Variants in MYT1L observed in about 807,000 individuals in gnomAD.
MYT1L encodes myelin transcription factor 1-like protein.
In MYT1L, 12 loss-of-function variants were observed where a neutral mutation model predicts 126.7. That is an observed-to-expected ratio of 0.09 (90% CI 0.06 to 0.15). MYT1L has a LOEUF of 0.15. Among genes scored for constraint, MYT1L ranks in the 10% least tolerant of loss-of-function variants. The pLI, the probability that MYT1L is intolerant of heterozygous loss-of-function variation, is 1.00. For missense variants in MYT1L, 979 were observed against 1,585.2 expected (o/e 0.62, Z 6.49); for synonymous variants, 541 against 604.2 (o/e 0.90, Z 1.53).
intron 4 of MYT1L, among the ~76,000 whole-genome samples, chr2:2,033,884 C>T (rs760991244): frequency 3.9e-5 from 6 of 152,182 alleles, no homozygotes; most frequent in Non-Finnish European, 7.3e-5. Flanking sequence ...CACATGCTTT[C>T]CCACATCCCA....
chr2:2,199,402 G>A (rs12467544), intron 2 of MYT1L, among the ~76,000 whole-genome samples: 26,371 of 152,188 alleles, frequency 0.17, 2,466 homozygotes, highest in African/African-American at 0.26. Context: ...TGCCATAAGG[G>A]ATGGTGTAGA....
Position 1,922,351 on chromosome 2 carries a change from A to T in MYT1L, c.1418T>A (p.Leu473His). The T allele has an allele frequency of 6.2e-7, 1 of 1,613,972 alleles. No homozygotes were observed. The highest frequency in any genetic ancestry group is 8.5e-7 in the Non-Finnish European group (1 of 1,179,886). The change falls in exon 10 of 25, where the codon CTT becomes CAT. Residue 473 changes from leucine to histidine, a missense_variant. By Grantham distance (99) the Leu-to-His change is moderately conservative. This residue lies in a region of MYT1L where 67 missense variants were observed against 80.3 expected (regional missense o/e 0.83). Coordinates refer to ENST00000647738, the MANE Select transcript of MYT1L (RefSeq NM_001303052.2). The surrounding 1 kb of genome is among the most constrained non-coding windows in gnomAD (Gnocchi z 7.4). Reference sequence around the variant, plus strand: ...TTTAGGCTTTCTGTCCTCCCCGGGAAGTTGTCTCGGAGACTGGTCCTCATA... The same window carrying T: ...TTTAGGCTTTCTGTCCTCCCCGGGATGTTGTCTCGGAGACTGGTCCTCATA... The part of the protein sequence containing the change: ...RSYEDQSPRQ[L>H]PGEDRKPKSS...
intron 14 of MYT1L, among the ~76,000 whole-genome samples, chr2:1,900,903 G>A (rs576999321): frequency 1.3e-5 from 2 of 152,266 alleles, no homozygotes; most frequent in East Asian, 1.9e-4. Context: ...GGCCTCTGCC[G>A]GGAATGCGAT....
At chr2:2,053,365 G>C (rs753994995) in intron 4 of MYT1L, among the ~76,000 whole-genome samples, 1 of 152,148 alleles carries the variant, frequency 6.6e-6, no homozygotes. Flanking sequence ...GAATACACTT[G>C]ATATCACTAA....
chr2:2,192,043 G>T (rs1266672930), intron 2 of MYT1L, among the ~76,000 whole-genome samples: 2 of 152,248 alleles, frequency 1.3e-5, no homozygotes, highest in African/African-American at 4.8e-5. Flanking sequence ...GCAGAAATCA[G>T]TCTCTTTCTA....
At chr2:2,181,064 CTGTG>C (rs374459255) in intron 2 of MYT1L, among the ~76,000 whole-genome samples, 32 of 150,464 alleles carry the variant, frequency 2.1e-4, no homozygotes, top group South Asian at 2.1e-3. Context: ...GTAACCGTAC[CTGTG>C]TGTGTGCTTG....
At chr2:2,005,928 G>A (rs561324872) in intron 4 of MYT1L, among the ~76,000 whole-genome samples, 5 of 145,256 alleles carry the variant, frequency 3.4e-5, no homozygotes, top group African/African-American at 7.8e-5. Flanking sequence ...TCCTGCATGC[G>A]TTCTTTCCTG....
intron 3 of MYT1L, among the ~76,000 whole-genome samples, chr2:2,055,900 A>C (rs138457542): frequency 7.2e-5 from 11 of 152,118 alleles, no homozygotes; most frequent in Non-Finnish European, 4.4e-5. Context: ...TTGTTTTGGG[A>C]AAAGTGTTTT....
chr2:2,049,708 T>G (rs181279256), intron 4 of MYT1L, among the ~76,000 whole-genome samples: 3 of 152,312 alleles, frequency 2.0e-5, no homozygotes, highest in Non-Finnish European at 1.5e-5. Context: ...CCCCATACTG[T>G]TCTCATGGTA....
At chr2:1,835,802 C>G (rs1423320662) in intron 21 of MYT1L, among the ~76,000 whole-genome samples, 1 of 152,170 alleles carries the variant, frequency 6.6e-6, no homozygotes, top group Non-Finnish European at 1.5e-5. Flanking sequence ...TTTAGTAAAA[C>G]GGAGGAATAT....
intron 13 of MYT1L, among the ~76,000 whole-genome samples, chr2:1,905,325 G>A (rs993931724): frequency 4.0e-5 from 6 of 151,726 alleles, no homozygotes; most frequent in African/African-American, 1.2e-4. Flanking sequence ...ATGTATTAGT[G>A]TTAGGTTCAT....
intron 3 of MYT1L, among the ~76,000 whole-genome samples, chr2:2,129,951 G>C (rs2082166308): frequency 6.6e-6 from 1 of 150,824 alleles, no homozygotes. Flanking sequence ...GTAAACTTAA[G>C]GAACATAAGA....
intron 3 of MYT1L, among the ~76,000 whole-genome samples, chr2:2,074,264 T>G (rs1457583687): frequency 6.6e-6 from 1 of 152,224 alleles, no homozygotes; most frequent in African/African-American, 2.4e-5. Context: ...ATTTCTGGTT[T>G]CACACAAAAG....
intron 2 of MYT1L, among the ~76,000 whole-genome samples, chr2:2,241,325 GA>G (rs1253942722): frequency 2.0e-5 from 3 of 152,102 alleles, no homozygotes; most frequent in African/African-American, 7.2e-5. Context: ...GAAATAATCA[GA>G]AAAGAGGGAA....
chr2:2,215,187 G>A (rs1048991931), intron 2 of MYT1L, among the ~76,000 whole-genome samples: 1 of 152,096 alleles, frequency 6.6e-6, no homozygotes, highest in African/African-American at 2.4e-5. Context: ...TAGAAAGATG[G>A]TCGACTTAGA....
At chr2:2,180,250 G>C (rs1417775932) in intron 2 of MYT1L, among the ~76,000 whole-genome samples, 1 of 152,016 alleles carries the variant, frequency 6.6e-6, no homozygotes, top group Non-Finnish European at 1.5e-5. Context: ...GGCTCCTTGA[G>C]AGTACAGAAG....
intron 5 of MYT1L, among the ~76,000 whole-genome samples, chr2:1,996,707 C>T (rs1447434826): frequency 9.5e-5 from 12 of 126,506 alleles, no homozygotes; most frequent in Non-Finnish European, 1.5e-4. Flanking sequence ...GTAGATGGGC[C>T]GCCTTTACCT....
intron 3 of MYT1L, among the ~76,000 whole-genome samples, chr2:2,090,461 A>G (rs1268392816): frequency 1.3e-5 from 2 of 152,196 alleles, no homozygotes; most frequent in African/African-American, 4.8e-5. Context: ...TTATTGCTCA[A>G]TAATTCTAAG....
At chr2:2,252,450 G>A (rs932892482) in intron 2 of MYT1L, among the ~76,000 whole-genome samples, 2 of 152,188 alleles carry the variant, frequency 1.3e-5, no homozygotes, top group East Asian at 1.9e-4. Flanking sequence ...CTGCAGGGAC[G>A]GATGCTGGCT....
Sources: gnomAD v4.1 joint callset for allele counts (sites outside exome capture counted in the v4.1 genomes callset) on GRCh38, gnomAD v4.1.1 for gene constraint, gnomAD v4.1.1 regional missense constraint, Gnocchi (gnomAD v3.1) non-coding constraint, MANE v1.5 for transcripts, NCBI Gene and HGNC (gene_info 2026-07-23, HGNC 2026-07-21) for gene names.